The following CASKIN1 variants were observed in gnomAD, a reference collection of about 807,000 sequenced individuals.
CASKIN1 encodes caskin-1.
CASKIN1 carries 42 observed loss-of-function variants against 117.5 expected under a neutral mutation model. The observed-to-expected ratio is 0.36, with a 90% confidence interval of 0.28 to 0.46. The LOEUF (loss-of-function observed/expected upper bound fraction) is 0.46, where lower values mean the gene tolerates loss of function less well. CASKIN1 is among the 20% of genes least tolerant of loss of function. The pLI is 1.00. For synonymous variants in CASKIN1, 1,148 were observed against 961.7 expected (o/e 1.19, Z -3.59); for missense variants, 2,083 against 2,077.3 (o/e 1.00, Z -0.05).
chr16:2,179,840 G>A lies in CASKIN1; in HGVS notation c.3528C>T (p.Thr1176=), dbSNP rs535819685. The A allele has an allele frequency of 9.4e-6, 15 of 1,602,874 alleles. No homozygotes were observed. The highest frequency in any genetic ancestry group is 6.8e-5 in the East Asian group (3 of 44,358). The change falls in exon 18 of 20, where the codon ACC becomes ACT. Residue 1176 remains threonine (T), a synonymous_variant. Coordinates refer to ENST00000343516, the MANE Select transcript of CASKIN1 (RefSeq NM_020764.4). The surrounding 1 kb of genome is among the most constrained non-coding windows in gnomAD (Gnocchi z 5.8). ...GCTCCGAGGCCGGTCGGCGGCGCAC[G>A]GTGCCAGTGCCATTATGGTACACGG... ...PLSVYHNGTG[T]VRRRPASEQA...
chr16:2,185,111 C>G lies in CASKIN1; in HGVS notation c.1239G>C (p.Lys413Asn), dbSNP rs777509418. ...HALHAGSEGV[K>N]LLATVLSQKS... is the part of the protein sequence containing the mutation. ...TGGCCCTGGCCACTACCCCACCTAC[C>G]TTGACGCCTTCAGAGCCCGCGTGTA... Residue 413 changes from lysine (K) to asparagine (N), a missense_variant and splice_region_variant, in exon 12 of 20, where the codon AAG (lysine) becomes AAC (asparagine). By Grantham distance (94) the Lys-to-Asn change is moderately conservative. Transcript: ENST00000343516. 27 of 1,609,304 alleles carry G rather than the reference C, an allele frequency of 1.7e-5. No homozygotes were observed. Among genetic ancestry groups the G allele is most frequent in the Non-Finnish European group, 3.4e-6 (4 of 1,179,700 alleles).
In CASKIN1 at chr16:2,187,439, C is replaced by T. The variant is rs763151939; in HGVS notation, c.640G>A (p.Asp214Asn). 2.1e-5 allele frequency: 33 copies of T among 1,607,410 alleles called. No homozygotes were observed. Among genetic ancestry groups the T allele is most frequent in the South Asian group, 3.3e-5 (3 of 91,044 alleles). ...CCGGACTTGGTCTGGCGGTTAATGT[C>T]GATGCCGGCTTGGAGGAGGAGCCTG... ...IIRLLLQAGI[D>N]INRQTKSGTA... The change falls in exon 7 of 20, where the codon GAC becomes AAC. Residue 214 changes from aspartate to asparagine, a missense_variant. This residue lies in a region of CASKIN1 where 203 missense variants were observed against 338.7 expected (regional missense o/e 0.60). Coordinates refer to ENST00000343516, the MANE Select transcript of CASKIN1 (RefSeq NM_020764.4).
At chr16:2,184,610 G>GAC (rs1195298453) in intron 14 of CASKIN1, among the ~76,000 whole-genome samples, 167 bp downstream of exon 14, 1 of 152,138 alleles carries the variant, frequency 6.6e-6, no homozygotes, top group Admixed American at 6.5e-5. Flanking sequence ...CACACAGGCA[G>GAC]ACACACACAC....
intron 4 of CASKIN1, 33 bp from the exon 5 acceptor site, chr16:2,189,366 T>A: frequency 6.2e-7 from 1 of 1,611,732 alleles, no homozygotes; most frequent in South Asian, 1.1e-5. Context: ...GGTCCGCACA[T>A]CCTCAGGCCG....
Position 2,181,148 on chromosome 16 carries a change from C to T in CASKIN1, c.2220G>A (p.Arg740=). ...GGCCGTGGCGGCCGGGCCGGGCCTC[C>T]CTGGGCGGGGTGCCGGGGGCGGGGC... ...DEGPAPGTPP[R]EARPGRHGHS... The change falls in exon 18 of 20, where the codon AGG becomes AGA. Residue 740 remains arginine, a synonymous_variant. Coordinates refer to ENST00000343516, the MANE Select transcript of CASKIN1 (RefSeq NM_020764.4). 6.7e-7 allele frequency: 1 copy of T among 1,490,228 alleles called. No homozygotes were observed. The highest frequency in any genetic ancestry group is 1.4e-5 in the South Asian group (1 of 73,924). 92.3% of individuals were successfully genotyped at this position (1,490,228 alleles called of 1,614,324 possible). A position where few individuals can be genotyped will look rare whatever the true frequency, so the allele number is the denominator to read the frequency against.
At chr16:2,185,273 C>A in intron 11 of CASKIN1, 34 bp downstream of exon 11, 1 of 1,596,604 alleles carries the variant, frequency 6.3e-7, no homozygotes. Flanking sequence ...TTGTGGAAGT[C>A]CTGCCACCTC....
chr16:2,187,623 CTTTT>C (rs926015437), intron 6 of CASKIN1, among the ~76,000 whole-genome samples, 162 bp from the exon 7 acceptor site: 1 of 151,630 alleles, frequency 6.6e-6, no homozygotes, highest in African/African-American at 2.4e-5. Flanking sequence ...GTGCTGAGCG[CTTTT>C]TTTTTCTTTT....
intron 3 of CASKIN1, 152 bp downstream of exon 3, chr16:2,189,921 C>A: frequency 1.3e-6 from 1 of 743,840 alleles, no homozygotes; most frequent in Non-Finnish European, 2.2e-6. Flanking sequence ...AGCCCCACCC[C>A]TGGCCTCCAG....
At position 2,181,354 on chromosome 16, in the gene CASKIN1, C is replaced by T. The variant is rs1227715350; in HGVS notation, c.2014G>A (p.Gly672Arg). 2.5e-6 allele frequency: 4 copies of T among 1,606,820 alleles called. No individual in the cohort carries two copies. Among genetic ancestry groups the T allele is most frequent in the Admixed American group, 3.4e-5 (2 of 59,582 alleles). ...CTGGAGGGCTTCTCAGTGGTGGGCC[C>T]CACCTCAGCCGGGCCAGTCATGGCA... ...QAAMTGPAEV[G>R]PTTEKPSSHL... is the part of the protein sequence containing the mutation. The change falls in exon 18 of 20, where the codon GGG (glycine) becomes AGG (arginine). Residue 672 changes from glycine (G) to arginine (R), a missense_variant. Around this residue, in one of 3 missense-constraint regions of CASKIN1, gnomAD observed 1,818 missense variants for 1,688.9 expected, o/e 1.08. Coordinates refer to ENST00000343516, the MANE Select transcript of CASKIN1 (RefSeq NM_020764.4).
At chr16:2,183,778 GC>G in intron 15 of CASKIN1, 31 bp from the exon 16 acceptor site, 1 of 1,612,388 alleles carries the variant, frequency 6.2e-7, no homozygotes, top group Non-Finnish European at 8.5e-7. Context: ...TCAGCTAGGG[GC>G]TGGGCCCATC....
chr16:2,183,601 GT>G, intron 16 of CASKIN1, 44 bp downstream of exon 16: 1 of 1,586,132 alleles, frequency 6.3e-7, no homozygotes. Context: ...CTGTCTGTCT[GT>G]CTGCCCGTCC....
rs771246076 is a variant in CASKIN1, at chr16:2,180,458, G to A, written c.2910C>T (p.Ala970=). ...ANLADEPVPD[A]EPEDGLLGVR... is the part of the protein sequence containing the mutation. ...CCCCCAGCAGGCCATCCTCAGGCTCGGCGTCAGGCACCGGCTCATCCGCCA... is the reference window on the plus strand; with the variant it reads ...CCCCCAGCAGGCCATCCTCAGGCTCAGCGTCAGGCACCGGCTCATCCGCCA... Residue 970 remains alanine (A), a synonymous_variant, in exon 18 of 20, where the codon GCC becomes GCT. Transcript: ENST00000343516. 1.7e-5 allele frequency: 26 copies of A among 1,556,552 alleles called. No homozygotes were observed. In the Middle Eastern group the frequency reaches 5.1e-4, roughly 30 times the overall value.
rs1456997462 is a variant in CASKIN1, at chr16:2,180,067, G to A, written c.3301C>T (p.Arg1101Trp). Residue 1101 changes from arginine to tryptophan, a missense_variant, in exon 18 of 20, where the codon CGG becomes TGG. By Grantham distance (101) the Arg-to-Trp change is moderately radical. Around this residue, in one of 3 missense-constraint regions of CASKIN1, gnomAD observed 1,818 missense variants for 1,688.9 expected, o/e 1.08. Coordinates refer to ENST00000343516, the MANE Select transcript of CASKIN1 (RefSeq NM_020764.4). ...VEDGTGRQRP[R>W]GPSKGEAGVE... is the part of the protein sequence containing the mutation. ...CCCGCCTCGCCCTTGGAGGGACCCC[G>A]AGGCCGCTGCCGGCCAGTGCCATCC... 12 of 1,579,406 alleles carry A rather than the reference G, an allele frequency of 7.6e-6. No individual in the cohort carries two copies. The highest frequency in any genetic ancestry group is 2.4e-5 in the East Asian group (1 of 42,484).
In CASKIN1 at chr16:2,178,626, C is replaced by G. The variant is rs765634289; in HGVS notation, c.4220G>C (p.Ser1407Thr). Residue 1407 changes from serine (S) to threonine (T), a missense_variant, in exon 20 of 20, where the codon AGC becomes ACC. Physicochemically the swap from Ser to Thr is moderately conservative, Grantham distance 58. Around this residue, in one of 3 missense-constraint regions of CASKIN1, gnomAD observed 1,818 missense variants for 1,688.9 expected, o/e 1.08. Coordinates refer to ENST00000343516, the MANE Select transcript of CASKIN1 (RefSeq NM_020764.4). ...QGPRDSAAEK[S>T]TGSILDDIGS... is the part of the protein sequence containing the mutation. ...GATGTCGTCCAGGATGCTGCCAGTGCTCTTTTCCGCCGCCGAGTCGCTGCG... is the reference window on the plus strand; with the variant it reads ...GATGTCGTCCAGGATGCTGCCAGTGGTCTTTTCCGCCGCCGAGTCGCTGCG... 1 of 1,594,612 alleles carries G rather than the reference C, an allele frequency of 6.3e-7. No individual in the cohort carries two copies. The highest frequency in any genetic ancestry group is 1.1e-5 in the South Asian group (1 of 89,932).
At position 2,179,001 on chromosome 16, in the gene CASKIN1, T is replaced by A; in HGVS notation, c.4100A>T (p.Asp1367Val). 8.1e-7 allele frequency: 1 copy of A among 1,241,674 alleles called. No individual in the cohort carries two copies. The highest frequency in any genetic ancestry group is 2.9e-5 in the South Asian group (1 of 34,452). The allele number at this position is 1,241,674 out of a possible 1,614,324, so 76.9% of individuals were successfully genotyped here. Residue 1367 changes from aspartate to valine, a missense_variant, in exon 19 of 20, where the codon GAC (aspartate) becomes GTC (valine). Around this residue, in one of 3 missense-constraint regions of CASKIN1, gnomAD observed 1,818 missense variants for 1,688.9 expected, o/e 1.08. Transcript: ENST00000343516. The surrounding 1 kb of genome is among the most constrained non-coding windows in gnomAD (Gnocchi z 5.8). ...PAPPEGASPG[D>V]SARQKLEETS... ...CTCCTCCAGTTTCTGCCGGGCGCTG[T>A]CCCCTGGCGAGGCGCCTTCGGGCGG...
rs1025625158 is a variant in CASKIN1 at position 2,182,387 on chromosome 16, G to A, written c.1630-458C>T. On this transcript the variant is annotated intron_variant, in intron 16 of 19. Transcript: ENST00000343516. The surrounding 1 kb of genome is among the most constrained non-coding windows in gnomAD (Gnocchi z 4.1). ...TCTGACCTCTCACCCACATCACAGGGCCACACACATGCCACACAGCCACAA... is the reference window on the plus strand; with the variant it reads ...TCTGACCTCTCACCCACATCACAGGACCACACACATGCCACACAGCCACAA... Among the ~76,000 whole-genome samples, 1 of 151,570 alleles carries A rather than the reference G, an allele frequency of 6.6e-6. No individual in the cohort carries two copies. The highest frequency in any genetic ancestry group is 2.1e-4 in the South Asian group (1 of 4,778).
Position 2,186,744 on chromosome 16 carries a change from G to A in CASKIN1, c.1011C>T (p.Phe337=), listed in dbSNP as rs1420063306. 1 of 1,612,962 alleles carries A rather than the reference G, an allele frequency of 6.2e-7. No individual in the cohort carries two copies. The highest frequency in any genetic ancestry group is 2.2e-5 in the East Asian group (1 of 44,872). The stretch of plus-strand genomic sequence containing the variant: ...CAATGGCCTCGCCCAGGGAGGACGG[G>A]AAGTAGCCCACCCGGTCATTGCCCG... ...NRTGNDRVGY[F]PSSLGEAIVK... is the part of the protein sequence containing the mutation. The change falls in exon 10 of 20, where the codon TTC becomes TTT. Residue 337 remains phenylalanine (F), a synonymous_variant. Transcript: ENST00000343516.
At position 2,181,223 on chromosome 16, in the gene CASKIN1, A is replaced by G. The variant is rs1203524111; in HGVS notation, c.2145T>C (p.Pro715=). Residue 715 remains proline, a synonymous_variant, in exon 18 of 20, where the codon CCT becomes CCC. Transcript: ENST00000343516. ...SSQELLGDGP[P]GPSSPMSRSQ... ...TTCGAGACATGGGGCTGCTGGGCCC[A>G]GGGGGCCCATCTCCCAGCAGCTCCT... is the stretch of plus-strand genomic sequence containing the variant. 1.3e-6 allele frequency: 2 copies of G among 1,591,376 alleles called. No homozygotes were observed. Among genetic ancestry groups the G allele is most frequent in the East Asian group, 2.2e-5 (1 of 44,642 alleles).
rs1285143318 is a variant in CASKIN1, at chr16:2,182,854, A to G, written c.1629+792T>C. Reference sequence around the variant, plus strand: ...CGCCCAGGCTGGAGTGCAGTGGCGCAATCTCGGCTCACTGCAAGCTCCGCC... The same window carrying G: ...CGCCCAGGCTGGAGTGCAGTGGCGCGATCTCGGCTCACTGCAAGCTCCGCC... On this transcript the variant is annotated intron_variant, in intron 16 of 19. Coordinates refer to ENST00000343516, the MANE Select transcript of CASKIN1 (RefSeq NM_020764.4). This position sits in a 1 kb window ranked among gnomAD's most constrained non-coding sequence, Gnocchi z 4.1. Among the ~76,000 whole-genome samples, 1 of 152,202 alleles carries G rather than the reference A, an allele frequency of 6.6e-6. No homozygotes were observed.
Sources: gnomAD v4.1 joint callset for allele counts (sites outside exome capture counted in the v4.1 genomes callset) on GRCh38, gnomAD v4.1.1 for gene constraint, gnomAD v4.1.1 regional missense constraint, Gnocchi (gnomAD v3.1) non-coding constraint, MANE v1.5 for transcripts, NCBI Gene and HGNC (gene_info 2026-07-23, HGNC 2026-07-21) for gene names.